The following ZNF28 variants were observed in gnomAD, a reference collection of about 807,000 sequenced individuals.
The protein encoded by ZNF28 is zinc finger protein 28, also known as zinc finger protein KOX24.
A neutral mutation model predicts 7.2 loss-of-function variants in ZNF28; 5 were observed. The observed-to-expected ratio is 0.70, with a 90% CI of 0.36 to 1.46. The LOEUF (loss-of-function observed/expected upper bound fraction) is 1.46. Ranked by LOEUF, ZNF28 falls within the 40% of genes most tolerant of loss-of-function variation. ZNF28 has a pLI of 0.03. For synonymous variants in ZNF28, 288 were observed against 292.4 expected (o/e 0.99, Z 0.15); for missense variants, 879 against 866.6 (o/e 1.01, Z -0.18).
chr19:52,801,093 A>G lies in ZNF28; in HGVS notation c.752T>C (p.Val251Ala). 1 of 1,614,144 alleles carries G rather than the reference A, an allele frequency of 6.2e-7. No homozygotes were observed. Among genetic ancestry groups the G allele is most frequent in the South Asian group, 1.1e-5 (1 of 91,084 alleles). ...KQCKCDVYGKVFNQKRYLACH... is the reference protein window; with the variant it reads ...KQCKCDVYGKAFNQKRYLACH... Reference sequence around the variant, plus strand: ...TGCAAGGTATCGCTTCTGATTAAATACCTTGCCATATACATCACATTTACA... The same window carrying G: ...TGCAAGGTATCGCTTCTGATTAAATGCCTTGCCATATACATCACATTTACA... Residue 251 changes from valine (V) to alanine (A), a missense_variant, in exon 4 of 4, where the codon GTA (valine) becomes GCA (alanine). By Grantham distance (64) the Val-to-Ala change is moderately conservative. This residue lies in a region of ZNF28 where 864 missense variants were observed against 830.2 expected (regional missense o/e 1.04). Transcript: ENST00000457749.
chr19:52,817,334 T>C lies in ZNF28; in HGVS notation c.15+610A>G, dbSNP rs181769086. Among the ~76,000 whole-genome samples, 701 of 152,120 alleles carry C rather than the reference T, an allele frequency of 4.6e-3. 6 individuals carry two copies. The highest frequency in any genetic ancestry group is 0.016 in the African/African-American group (666 of 41,506). On this transcript the variant is annotated intron_variant, in intron 2 of 3. Transcript: ENST00000457749. ...TTGCGGTGAGCTGAGATCACGCCAT[T>C]GCACTCCAGCCTGGATAACAAGAGT...
At chr19:52,809,901 C>T in intron 2 of ZNF28, 1 of 821,842 alleles carries the variant, frequency 1.2e-6, no homozygotes, top group Non-Finnish European at 2.0e-6. Flanking sequence ...GGGGCGGCGC[C>T]ATCTTGTGCC....
Position 52,804,986 on chromosome 19 carries a change from A to G in ZNF28, c.142+3021T>C, listed in dbSNP as rs2062917955. ...TAACATGTTTTAAAAAACTTGAGACAGGCCAGGTGCGGTGGCTCATGCCAG... is the reference window on the plus strand; with the variant it reads ...TAACATGTTTTAAAAAACTTGAGACGGGCCAGGTGCGGTGGCTCATGCCAG... On this transcript the variant is annotated intron_variant, in intron 3 of 3. Transcript: ENST00000457749. Among the ~76,000 whole-genome samples the G allele has an allele frequency of 2.0e-5, 3 of 152,214 alleles. No individual in the cohort carries two copies. The South Asian group carries it at 6.2e-4, about 32-fold the overall frequency.
In ZNF28 at chr19:52,821,247, G is replaced by A. The variant is rs2869888; in HGVS notation, c.-74+339C>T. Among the ~76,000 whole-genome samples the A allele has an allele frequency of 1.1e-3, 169 of 151,946 alleles. 2 individuals carry two copies. Among genetic ancestry groups the A allele is most frequent in the East Asian group, 4.7e-3 (24 of 5,146 alleles). ...CTGTGCTCCAGGAACCCAGGAGGAT[G>A]AGGCTGGGAGGCGCACAGGGTGGGA... is the stretch of plus-strand genomic sequence containing the variant. On this transcript the variant is annotated intron_variant, in intron 1 of 3. Transcript: ENST00000457749.
In ZNF28 at chr19:52,799,325, A is replaced by C. The variant is rs550088835; in HGVS notation, c.*363T>G. ...GTTTTGCCAGGTATGAATTATATTC[A>C]AAAATCTTGTCATAAACCTTACATC... is the stretch of plus-strand genomic sequence containing the variant. On this transcript the variant is annotated 3_prime_UTR_variant, in exon 4 of 4. Coordinates refer to ENST00000457749, the MANE Select transcript of ZNF28 (RefSeq NM_006969.5). The C allele has an allele frequency of 6.5e-6, 3 of 461,694 alleles. No homozygotes were observed. The Admixed American group carries it at 1.1e-4, about 17-fold the overall frequency. The allele number at this position is 461,694 out of a possible 1,614,324, so 28.6% of individuals were successfully genotyped here.
At chr19:52,802,754 G>A (rs982862041) in intron 3 of ZNF28, among the ~76,000 whole-genome samples, 4 of 139,238 alleles carry the variant, frequency 2.9e-5, no homozygotes, top group South Asian at 2.2e-4. Flanking sequence ...GAACAGGCAC[G>A]TTGTGACTTT....
chr19:52,820,086 A>G (rs1036676793), intron 1 of ZNF28, among the ~76,000 whole-genome samples: 1 of 140,550 alleles, frequency 7.1e-6, no homozygotes, highest in Admixed American at 7.1e-5. Flanking sequence ...GCTGGGCTCC[A>G]TCCTTGCAAC....
chr19:52,821,200 TC>T (rs200089039), intron 1 of ZNF28, among the ~76,000 whole-genome samples: 2,056 of 151,812 alleles, frequency 0.014, 44 homozygotes, highest in African/African-American at 0.046. Context: ...AACGCAGCCT[TC>T]CCGGGACTGG....
intron 2 of ZNF28, among the ~76,000 whole-genome samples, chr19:52,808,474 T>C (rs1452479190): frequency 6.6e-6 from 1 of 152,058 alleles, no homozygotes; most frequent in South Asian, 2.1e-4. Flanking sequence ...GATGACAATG[T>C]CCACAGTAAG....
intron 2 of ZNF28, chr19:52,809,889 C>T (rs2062993903): frequency 6.4e-6 from 5 of 784,076 alleles, no homozygotes. Flanking sequence ...GGGATCCAGG[C>T]CGGGGCGGCG....
rs559860991 is a variant in ZNF28 at position 52,814,957 on chromosome 19, A to C, written c.15+2987T>G. Among the ~76,000 whole-genome samples, 23 of 146,110 alleles carry C rather than the reference A, an allele frequency of 1.6e-4. 3 individuals are homozygous for C. Among genetic ancestry groups the C allele is most frequent in the South Asian group, 9.1e-4 (4 of 4,392 alleles). On this transcript the variant is annotated intron_variant, in intron 2 of 3. Transcript: ENST00000457749. Reference sequence around the variant, plus strand: ...ATCTTTTTTTGCATATATATGCCCCAAAAATAATAAAACCTTCAAAGACTC... The same window carrying C: ...ATCTTTTTTTGCATATATATGCCCCCAAAATAATAAAACCTTCAAAGACTC...
chr19:52,815,427 G>A (rs1664072231), intron 2 of ZNF28, among the ~76,000 whole-genome samples: 1 of 145,718 alleles, frequency 6.9e-6, no homozygotes, highest in Non-Finnish European at 1.5e-5. Context: ...TGAAGCAGGA[G>A]ACACACTTGA....
chr19:52,802,689 A>G (rs2062887179), intron 3 of ZNF28, among the ~76,000 whole-genome samples: 2 of 152,002 alleles, frequency 1.3e-5, no homozygotes, highest in South Asian at 4.1e-4. Flanking sequence ...AAAAAGGAAA[A>G]TGTTAATACC....
At chr19:52,804,693 C>G (rs921856996) in intron 3 of ZNF28, among the ~76,000 whole-genome samples, 1 of 152,008 alleles carries the variant, frequency 6.6e-6, no homozygotes, top group Non-Finnish European at 1.5e-5. Context: ...TTAGTAAATT[C>G]GAGGTTTCAC....
chr19:52,801,741 C>T, intron 3 of ZNF28, 39 bp from the exon 4 acceptor site: 2 of 1,565,280 alleles, frequency 1.3e-6, no homozygotes, highest in Non-Finnish European at 1.7e-6. Flanking sequence ...CAATGAAGTA[C>T]AGATGGTGTA....
intron 2 of ZNF28, among the ~76,000 whole-genome samples, chr19:52,811,916 C>T (rs1472038080): frequency 1.3e-4 from 14 of 111,702 alleles, no homozygotes; most frequent in Admixed American, 1.1e-3. Flanking sequence ...CCCGGCCAGC[C>T]GCCCTATCCA....
chr19:52,819,146 C>T lies in ZNF28; in HGVS notation c.-73-1115G>A, dbSNP rs533959810. Among the ~76,000 whole-genome samples the T allele has an allele frequency of 1.0e-4, 14 of 138,874 alleles. 2 individuals carry two copies. Among genetic ancestry groups the T allele is most frequent in the African/African-American group, 4.0e-4 (14 of 35,334 alleles). 91.1% of individuals were successfully genotyped at this position (138,874 alleles called of 152,430 possible). A position where few individuals can be genotyped will look rare whatever the true frequency, so the allele number is the denominator to read the frequency against. On this transcript the variant is annotated intron_variant, in intron 1 of 3. Transcript: ENST00000457749. ...AAGAGAAAAGCAAATGTGACTGGGG[C>T]AGAGGGAGTCAGATGAGGGTAAGCT...
intron 2 of ZNF28, among the ~76,000 whole-genome samples, chr19:52,810,922 G>GTC (rs1167879236): frequency 2.1e-5 from 2 of 93,234 alleles, no homozygotes; most frequent in African/African-American, 4.2e-5. Context: ...TCCCTCCACA[G>GTC]TCTCCCTCTG....
intron 3 of ZNF28, among the ~76,000 whole-genome samples, chr19:52,804,802 G>A (rs565847895): frequency 1.3e-5 from 2 of 152,192 alleles, no homozygotes; most frequent in Non-Finnish European, 1.5e-5. Flanking sequence ...ATCACAGCTG[G>A]CCAGTCTAAG....
Sources: allele counts gnomAD v4.1 joint callset (sites outside exome capture counted in the v4.1 genomes callset), GRCh38; gene constraint gnomAD v4.1.1; regional missense constraint gnomAD v4.1.1; transcripts MANE v1.5; gene names NCBI Gene and HGNC (gene_info 2026-07-23, HGNC 2026-07-21).